MAP2: variants seen among roughly 807,000 people sequenced by gnomAD.
MAP2 encodes the protein microtubule-associated protein 2.
A neutral mutation model predicts 137.6 loss-of-function variants in MAP2; 14 were observed. That is an observed-to-expected ratio of 0.10 (90% confidence interval 0.07 to 0.16). MAP2 has a LOEUF of 0.16. Ranked by LOEUF, MAP2 falls within the 10% of genes least tolerant of loss-of-function variation. MAP2 has a pLI of 1.00. For missense variants in MAP2, 2,088 were observed against 2,191.5 expected (o/e 0.95, Z 0.94); for synonymous variants, 786 against 782.3 (o/e 1.00, Z -0.08).
chr2:209,664,035 C>T (rs1045307620), intron 5 of MAP2, among the ~76,000 whole-genome samples: 1 of 152,196 alleles, frequency 6.6e-6, no homozygotes, highest in Non-Finnish European at 1.5e-5. Context: ...TCTTCCTCTT[C>T]TGAACACCCC....
intron 4 of MAP2, among the ~76,000 whole-genome samples, chr2:209,629,545 C>T (rs960261701): frequency 6.6e-6 from 1 of 152,186 alleles, no homozygotes; most frequent in Non-Finnish European, 1.5e-5. Flanking sequence ...ACTACTTCAT[C>T]AGCATTCAAC....
intron 3 of MAP2, among the ~76,000 whole-genome samples, chr2:209,603,871 G>A (rs12694186): frequency 0.99 from 150,638 of 151,982 alleles, 74,664 homozygotes; most frequent in South Asian, 1. Context: ...CTGGTAGGGG[G>A]AAAAAATGAG....
intron 1 of MAP2, among the ~76,000 whole-genome samples, chr2:209,455,838 T>G: frequency 6.6e-6 from 1 of 152,190 alleles, no homozygotes; most frequent in East Asian, 1.9e-4. Context: ...CCTTACTGAC[T>G]GACCCACATT....
intron 3 of MAP2, among the ~76,000 whole-genome samples, chr2:209,610,339 T>G (rs1248348802): frequency 1.3e-5 from 2 of 152,084 alleles, no homozygotes; most frequent in Non-Finnish European, 2.9e-5. Flanking sequence ...TGCCAAATCT[T>G]CCAGGACAAG....
Position 209,486,999 on chromosome 2 carries a change from A to G in MAP2, c.-221-20593A>G, listed in dbSNP as rs976537718. On this transcript the variant is annotated intron_variant, in intron 1 of 15. Coordinates refer to ENST00000682079, the MANE Select transcript of MAP2 (RefSeq NM_001375505.1). ...CATGGGATTTCCTTTTGTAGTGTATAGATTCCATTAGAATTCTGACCGTTT... is the reference window on the plus strand; with the variant it reads ...CATGGGATTTCCTTTTGTAGTGTATGGATTCCATTAGAATTCTGACCGTTT... Among the ~76,000 whole-genome samples, 5 of 152,352 alleles carry G rather than the reference A, an allele frequency of 3.3e-5. No homozygotes were observed. The South Asian group carries it at 1.0e-3, about 32-fold the overall frequency.
At chr2:209,501,647 T>C (rs2198478) in intron 1 of MAP2, among the ~76,000 whole-genome samples, 125,168 of 152,076 alleles carry the variant, frequency 0.82, 52,632 homozygotes, top group Non-Finnish European at 0.93. Context: ...TTGCTTAGGG[T>C]ATTGTTTAGC....
intron 1 of MAP2, among the ~76,000 whole-genome samples, chr2:209,492,344 G>A (rs2059216587): frequency 6.6e-6 from 1 of 152,268 alleles, no homozygotes; most frequent in Non-Finnish European, 1.5e-5. Flanking sequence ...CACTGAATGG[G>A]CAAAAGCTGG....
At chr2:209,527,993 C>A (rs1237660763) in intron 2 of MAP2, among the ~76,000 whole-genome samples, 1 of 152,118 alleles carries the variant, frequency 6.6e-6, no homozygotes, top group African/African-American at 2.4e-5. Context: ...ATACGAAGTT[C>A]TCTCTCTAAA....
intron 2 of MAP2, among the ~76,000 whole-genome samples, chr2:209,521,973 G>T (rs2063348000): frequency 6.6e-6 from 1 of 152,034 alleles, no homozygotes; most frequent in South Asian, 2.1e-4. Context: ...TATTTTTAGA[G>T]CTTTGGTTCA....
intron 13 of MAP2, among the ~76,000 whole-genome samples, chr2:209,719,945 G>A (rs1442534624): frequency 2.0e-5 from 3 of 152,150 alleles, no homozygotes; most frequent in Non-Finnish European, 2.9e-5. Flanking sequence ...CCCACTGGAG[G>A]TATTGATTGC....
chr2:209,574,268 G>A (rs899601885), intron 2 of MAP2, among the ~76,000 whole-genome samples: 2 of 152,060 alleles, frequency 1.3e-5, no homozygotes, highest in African/African-American at 2.4e-5. Flanking sequence ...CTGTATCATT[G>A]AATTTTTATT....
intron 1 of MAP2, among the ~76,000 whole-genome samples, chr2:209,503,926 C>G (rs2060706780): frequency 6.6e-6 from 1 of 152,028 alleles, no homozygotes; most frequent in Non-Finnish European, 1.5e-5. Flanking sequence ...GAAACCCCAT[C>G]TCTACTAAAA....
chr2:209,703,838 A>C, intron 11 of MAP2: 2 of 364,864 alleles, frequency 5.5e-6, no homozygotes, highest in Non-Finnish European at 1.1e-5. Flanking sequence ...TACCAAACAT[A>C]AACAATCACA....
chr2:209,490,513 T>C (rs990590019), intron 1 of MAP2, among the ~76,000 whole-genome samples: 2 of 145,538 alleles, frequency 1.4e-5, no homozygotes, highest in African/African-American at 5.1e-5. Flanking sequence ...GACCCGCTGG[T>C]GTGCTGCATT....
At chr2:209,425,297 G>A (rs186420950) in intron 1 of MAP2, among the ~76,000 whole-genome samples, 229 of 152,310 alleles carry the variant, frequency 1.5e-3, no homozygotes, top group Non-Finnish European at 2.2e-3. Context: ...CCAGGACATA[G>A]ACGCTTTAAA....
At chr2:209,642,812 A>T (rs2094138867) in intron 4 of MAP2, among the ~76,000 whole-genome samples, 1 of 152,206 alleles carries the variant, frequency 6.6e-6, no homozygotes, top group African/African-American at 2.4e-5. Flanking sequence ...ATAGAGTTGC[A>T]GGCAGCTTAT....
intron 2 of MAP2, among the ~76,000 whole-genome samples, chr2:209,525,076 C>G (rs1457797627): frequency 6.6e-6 from 1 of 151,982 alleles, no homozygotes; most frequent in East Asian, 1.9e-4. Flanking sequence ...AATATACGTT[C>G]TAGCTTTTAT....
rs1190963906 is a variant in MAP2, at chr2:209,695,132, G to A, written c.2962G>A (p.Glu988Lys). Residue 988 changes from glutamate to lysine, a missense_variant, in exon 8 of 16, where the codon GAA (glutamate) becomes AAA (lysine). By Grantham distance (56) the Glu-to-Lys change is moderately conservative. This residue lies in a region of MAP2 where 500 missense variants were observed against 482.9 expected (regional missense o/e 1.04). Transcript: ENST00000682079. ...KKTEEAGDEI[E>K]TFGLGVTYEQ... is the part of the protein sequence containing the mutation. ...AACTGAAGAGGCTGGTGATGAAATA[G>A]AAACATTCGGATTAGGAGTAACCTA... 6.2e-7 allele frequency: 1 copy of A among 1,614,066 alleles called. No homozygotes were observed. The highest frequency in any genetic ancestry group is 8.5e-7 in the Non-Finnish European group (1 of 1,180,048).
At chr2:209,535,204 AT>A (rs1350935367) in intron 2 of MAP2, among the ~76,000 whole-genome samples, 1 of 152,120 alleles carries the variant, frequency 6.6e-6, no homozygotes, top group African/African-American at 2.4e-5. Flanking sequence ...TGGTGACTGG[AT>A]TCTTTCAGCT....
Sources: allele counts gnomAD v4.1 joint callset (sites outside exome capture counted in the v4.1 genomes callset), GRCh38; gene constraint gnomAD v4.1.1; regional missense constraint gnomAD v4.1.1; transcripts MANE v1.5; gene names NCBI Gene and HGNC (gene_info 2026-07-23, HGNC 2026-07-21).